Variants in HHAT observed in about 807,000 individuals in gnomAD.
The protein encoded by HHAT is protein-cysteine N-palmitoyltransferase HHAT.
A neutral mutation model predicts 70.8 loss-of-function variants in HHAT; 47 were observed. The observed-to-expected ratio is 0.66, with a 90% CI of 0.53 to 0.85. The LOEUF (loss-of-function observed/expected upper bound fraction) is 0.85. HHAT is among the 40% of genes least tolerant of loss of function. The probability of loss-of-function intolerance (pLI) is 0.00; values close to 1 mark genes in which losing one functional copy is unlikely to be tolerated. For missense variants in HHAT, 609 were observed against 604.8 expected (o/e 1.01, Z -0.07); for synonymous variants, 228 against 247.6 (o/e 0.92, Z 0.74).
chr1:210,577,636 G>GGTTTTTTTTTT (rs1558198901), intron 9 of HHAT, among the ~76,000 whole-genome samples: 2 of 93,442 alleles, frequency 2.1e-5, no homozygotes, highest in African/African-American at 4.2e-5. Context: ...TGGCCTGTAG[G>GGTTTTTTTTTT]ATTTTTTTTT....
intron 8 of HHAT, among the ~76,000 whole-genome samples, chr1:210,488,687 G>C (rs1441757994): frequency 6.6e-6 from 1 of 152,178 alleles, no homozygotes; most frequent in Non-Finnish European, 1.5e-5. Flanking sequence ...GAGCCCGGAA[G>C]TTTGAGACCA....
intron 3 of HHAT, among the ~76,000 whole-genome samples, chr1:210,364,865 G>GAC (rs1437684814): frequency 1.3e-5 from 2 of 152,176 alleles, no homozygotes; most frequent in African/African-American, 2.4e-5. Context: ...ACGTGGCACA[G>GAC]ACACACACAC....
intron 1 of HHAT, chr1:210,329,490 G>A: frequency 9.9e-7 from 1 of 1,013,356 alleles, no homozygotes; most frequent in South Asian, 4.6e-5. Context: ...TAAAGTTAGA[G>A]ACTTCCTTTG....
intron 10 of HHAT, among the ~76,000 whole-genome samples, chr1:210,616,848 C>T (rs531653285): frequency 6.6e-6 from 1 of 151,080 alleles, no homozygotes; most frequent in African/African-American, 2.4e-5. Context: ...ACCTACTTTA[C>T]AGTATAAGTA....
intron 7 of HHAT, among the ~76,000 whole-genome samples, chr1:210,422,443 T>C (rs1405269542): frequency 6.6e-6 from 1 of 152,202 alleles, no homozygotes; most frequent in Admixed American, 6.6e-5. Context: ...TATTTTATCT[T>C]CTGTTTTTTC....
At chr1:210,659,337 A>G (rs1236250681) in intron 11 of HHAT, among the ~76,000 whole-genome samples, 1 of 152,226 alleles carries the variant, frequency 6.6e-6, no homozygotes, top group African/African-American at 2.4e-5. Flanking sequence ...AAAATCTAGA[A>G]GAAATAAATT....
At chr1:210,456,291 C>G (rs561160737) in intron 7 of HHAT, among the ~76,000 whole-genome samples, 1 of 152,208 alleles carries the variant, frequency 6.6e-6, no homozygotes, top group Non-Finnish European at 1.5e-5. Context: ...GCTTCTGACT[C>G]GTTGCCTTTT....
chr1:210,620,113 G>A (rs1373710551), intron 10 of HHAT, among the ~76,000 whole-genome samples: 1 of 152,238 alleles, frequency 6.6e-6, no homozygotes, highest in African/African-American at 2.4e-5. Context: ...GGTAATCGCT[G>A]TAGGACTATG....
intron 9 of HHAT, among the ~76,000 whole-genome samples, chr1:210,545,064 G>A (rs990197051): frequency 6.6e-6 from 1 of 151,082 alleles, no homozygotes; most frequent in Non-Finnish European, 1.5e-5. Context: ...TCTCCATATT[G>A]TAATGAGAAT....
chr1:210,446,619 C>G (rs1201574003), intron 7 of HHAT, among the ~76,000 whole-genome samples: 1 of 152,204 alleles, frequency 6.6e-6, no homozygotes, highest in Admixed American at 6.5e-5. Context: ...GGCCTCTGTG[C>G]TCCTGCACTG....
intron 10 of HHAT, among the ~76,000 whole-genome samples, chr1:210,613,288 G>A (rs1425590199): frequency 6.6e-6 from 1 of 152,080 alleles, no homozygotes; most frequent in Non-Finnish European, 1.5e-5. Context: ...TTTTGTGTAT[G>A]GTATAAGGGT....
intron 8 of HHAT, among the ~76,000 whole-genome samples, chr1:210,480,377 A>G (rs535408658): frequency 6.6e-6 from 1 of 152,264 alleles, no homozygotes; most frequent in African/African-American, 2.4e-5. Flanking sequence ...CGGCGATGAC[A>G]TTGAGCAGTA....
At chr1:210,467,296 AAAAG>A (rs2094126727) in intron 8 of HHAT, among the ~76,000 whole-genome samples, 6 of 152,324 alleles carry the variant, frequency 3.9e-5, no homozygotes, top group Middle Eastern at 6.8e-3. Context: ...TAATTGAAAA[AAAAG>A]AATAACAATT....
chr1:210,437,237 G>A (rs551965174), intron 7 of HHAT, among the ~76,000 whole-genome samples: 12 of 151,974 alleles, frequency 7.9e-5, no homozygotes, highest in Admixed American at 6.5e-4. Flanking sequence ...GATGGGATAA[G>A]ACTAGTGAAT....
At chr1:210,585,578 C>G (rs941869135) in intron 9 of HHAT, among the ~76,000 whole-genome samples, 13 of 152,140 alleles carry the variant, frequency 8.5e-5, no homozygotes, top group African/African-American at 3.1e-4. Context: ...ACCACCATGA[C>G]TGGCTGATTT....
At chr1:210,369,132 A>G (rs891890103) in intron 3 of HHAT, among the ~76,000 whole-genome samples, 3 of 152,180 alleles carry the variant, frequency 2.0e-5, no homozygotes, top group Non-Finnish European at 4.4e-5. Context: ...TGTAGCAAGG[A>G]GGTAACGTTC....
chr1:210,565,109 G>A (rs1654355924), intron 9 of HHAT, among the ~76,000 whole-genome samples: 1 of 152,222 alleles, frequency 6.6e-6, no homozygotes. Flanking sequence ...GGCAGAAGGA[G>A]ATGGAGCTAA....
chr1:210,529,318 GAAA>G (rs10584556), intron 9 of HHAT, among the ~76,000 whole-genome samples: 92 of 118,750 alleles, frequency 7.7e-4, no homozygotes, highest in South Asian at 3.7e-3. Flanking sequence ...AAAAACAAAG[GAAA>G]AAAAAAAAAA....
rs368050930 is a variant in HHAT, at chr1:210,340,275, A to G, written c.-43-8658A>G. On this transcript the variant is annotated intron_variant, in intron 1 of 11. Transcript: ENST00000261458. ...AAAAAAAAAAAAAAAAAAAGACTCA[A>G]GTGGGGTTTGGAGAGAATTGTGATA... is the stretch of plus-strand genomic sequence containing the variant. 7.5e-3 allele frequency among the ~76,000 whole-genome samples: 1,096 copies of G among 146,906 alleles called. 6 individuals carry two copies. Among genetic ancestry groups the G allele is most frequent in the Middle Eastern group, 0.014 (4 of 282 alleles).
Sources: allele counts gnomAD v4.1 joint callset (sites outside exome capture counted in the v4.1 genomes callset), GRCh38; gene constraint gnomAD v4.1.1; transcripts MANE v1.5; gene names NCBI Gene and HGNC (gene_info 2026-07-23, HGNC 2026-07-21).